ZC3H13: variants seen among roughly 807,000 people sequenced by gnomAD.
The protein encoded by ZC3H13 is zinc finger CCCH-type containing 13.
In ZC3H13, 64 loss-of-function variants were observed where a neutral mutation model predicts 204.1. That is an observed-to-expected ratio of 0.31 (90% CI 0.26 to 0.39). The LOEUF (loss-of-function observed/expected upper bound fraction) is 0.39, where lower values mean the gene tolerates loss of function less well. Ranked by LOEUF, ZC3H13 falls within the 10% of genes least tolerant of loss-of-function variation. The probability of loss-of-function intolerance (pLI) is 1.00; values close to 1 mark genes in which losing one functional copy is unlikely to be tolerated. For synonymous variants in ZC3H13, 667 were observed against 693.7 expected (o/e 0.96, Z 0.60); for missense variants, 1,833 against 2,082.7 (o/e 0.88, Z 2.33).
rs770053364 is a variant in ZC3H13, at chr13:46,030,884, T to C, written c.340-10327A>G. 2.2e-4 allele frequency among the ~76,000 whole-genome samples: 33 copies of C among 152,176 alleles called. 1 individual carries two copies. The highest frequency in any genetic ancestry group is 2.6e-4 in the Non-Finnish European group (18 of 68,006). Reference sequence around the variant, plus strand: ...AAGATGTCAGTTCTTCCCAAATTAATAGATTAAATGTAATCCCCACCAAAA... The same window carrying C: ...AAGATGTCAGTTCTTCCCAAATTAACAGATTAAATGTAATCCCCACCAAAA... On this transcript the variant is annotated intron_variant, in intron 4 of 18. Coordinates refer to ENST00000679008, the MANE Select transcript of ZC3H13 (RefSeq NM_001330564.2).
chr13:46,002,036 G>C (rs541042182), intron 8 of ZC3H13, among the ~76,000 whole-genome samples: 61 of 149,588 alleles, frequency 4.1e-4, no homozygotes, highest in African/African-American at 1.4e-3. Flanking sequence ...AATATATAAC[G>C]AACTCTTAGA....
intron 4 of ZC3H13, among the ~76,000 whole-genome samples, chr13:46,039,516 A>G (rs1257606119): frequency 4.6e-5 from 7 of 152,234 alleles, no homozygotes; most frequent in Admixed American, 3.9e-4. Context: ...GACAAGAAGA[A>G]GAGTTTAACA....
intron 4 of ZC3H13, among the ~76,000 whole-genome samples, chr13:46,029,679 C>T (rs1157338410): frequency 3.3e-5 from 5 of 151,830 alleles, no homozygotes; most frequent in Admixed American, 2.6e-4. Flanking sequence ...CCGCCCGCCT[C>T]GGCCTCCCAA....
chr13:46,009,568 G>C (rs1001331453), intron 7 of ZC3H13, among the ~76,000 whole-genome samples: 5 of 152,026 alleles, frequency 3.3e-5, no homozygotes, highest in African/African-American at 1.2e-4. Context: ...GACAGGGCTT[G>C]TTAACTGATT....
intron 5 of ZC3H13, among the ~76,000 whole-genome samples, chr13:46,016,491 C>T (rs761188072): frequency 9.9e-5 from 15 of 152,116 alleles, no homozygotes; most frequent in Non-Finnish European, 1.5e-4. Context: ...AGAGTACATG[C>T]TGTCAATTCC....
At position 45,990,218 on chromosome 13, in the gene ZC3H13, C is replaced by T. The variant is rs555862214; in HGVS notation, c.945-1121G>A. On this transcript the variant is annotated intron_variant, in intron 8 of 18. Transcript: ENST00000679008. ...AGATGCCAGTAGCATCCCTCCCATT[C>T]CAAGTTATGACAATAAAAAATTACT... Among the ~76,000 whole-genome samples the T allele has an allele frequency of 1.3e-4, 20 of 152,246 alleles. No individual in the cohort carries two copies. In the South Asian group the frequency reaches 4.1e-3, roughly 32 times the overall value.
chr13:46,050,083 T>C (rs879908337), intron 1 of ZC3H13, among the ~76,000 whole-genome samples: 1 of 152,068 alleles, frequency 6.6e-6, no homozygotes, highest in Non-Finnish European at 1.5e-5. Flanking sequence ...GCAGAGCAAA[T>C]GAATATCTGA....
chr13:46,012,910 C>T (rs2041661729), intron 5 of ZC3H13, among the ~76,000 whole-genome samples: 1 of 152,088 alleles, frequency 6.6e-6, no homozygotes, highest in Admixed American at 6.5e-5. Flanking sequence ...TAACCAAATA[C>T]CCAGGTAAAA....
At chr13:46,027,796 A>G (rs575656159) in intron 4 of ZC3H13, among the ~76,000 whole-genome samples, 1 of 152,342 alleles carries the variant, frequency 6.6e-6, no homozygotes, top group East Asian at 1.9e-4. Context: ...CACCAAAAAA[A>G]GTAGAAAGAA....
intron 7 of ZC3H13, among the ~76,000 whole-genome samples, chr13:46,004,496 C>T (rs554902686): frequency 1.3e-5 from 2 of 152,030 alleles, no homozygotes; most frequent in Non-Finnish European, 2.9e-5. Flanking sequence ...GCCAAGATTG[C>T]GCCACTGCAC....
chr13:45,969,101 T>C lies in ZC3H13; in HGVS notation c.3443A>G (p.Asn1148Ser), dbSNP rs752781697. Reference sequence around the variant, plus strand: ...TGAGTCTTCATTGGCAAAAGTATTATTGGTGGTATTGGTGGGGGTGGCAGA... The same window carrying C: ...TGAGTCTTCATTGGCAAAAGTATTACTGGTGGTATTGGTGGGGGTGGCAGA... ...STSATPTNTT[N>S]NTFANEDSHR... The change falls in exon 14 of 19, where the codon AAT (asparagine) becomes AGT (serine). Residue 1148 changes from asparagine (N) to serine (S), a missense_variant. Physicochemically the swap from Asn to Ser is conservative, Grantham distance 46 (BLOSUM62 1). Around this residue, in one of 5 missense-constraint regions of ZC3H13, gnomAD observed 1,574 missense variants for 1,757.2 expected, o/e 0.90. Coordinates refer to ENST00000679008, the MANE Select transcript of ZC3H13 (RefSeq NM_001330564.2). 1.1e-4 allele frequency: 170 copies of C among 1,614,166 alleles called. No individual in the cohort carries two copies. Among genetic ancestry groups the C allele is most frequent in the Non-Finnish European group, 1.4e-4 (161 of 1,180,028 alleles).
At chr13:46,039,464 C>T (rs181788063) in intron 4 of ZC3H13, among the ~76,000 whole-genome samples, 12 of 152,342 alleles carry the variant, frequency 7.9e-5, no homozygotes, top group African/African-American at 2.6e-4. Context: ...ATATTCTTCA[C>T]AGCAACATGG....
At position 46,019,056 on chromosome 13, in the gene ZC3H13, A is replaced by G. The variant is rs201207190; in HGVS notation, c.448+1393T>C. On this transcript the variant is annotated intron_variant, in intron 5 of 18. Coordinates refer to ENST00000679008, the MANE Select transcript of ZC3H13 (RefSeq NM_001330564.2). Reference sequence around the variant, plus strand: ...TAGGTTGGATTATGAAATCCTGAGTAACCATAAACAAGTTTCCTATTTGTT... The same window carrying G: ...TAGGTTGGATTATGAAATCCTGAGTGACCATAAACAAGTTTCCTATTTGTT... 5.9e-5 allele frequency among the ~76,000 whole-genome samples: 9 copies of G among 152,274 alleles called. No individual in the cohort carries two copies. The East Asian group carries it at 1.7e-3, about 29-fold the overall frequency.
At chr13:46,010,211 T>C (rs910476863) in intron 7 of ZC3H13, 137 bp downstream of exon 7, 15 of 891,892 alleles carry the variant, frequency 1.7e-5, no homozygotes, top group Non-Finnish European at 2.1e-5. Context: ...TTGAAACATT[T>C]CAAATTTCTT....
chr13:45,968,704 C>T (rs1952300894), intron 14 of ZC3H13, 44 bp downstream of exon 14: 5 of 1,523,838 alleles, frequency 3.3e-6, no homozygotes, highest in Admixed American at 2.3e-5. Context: ...ATAAAATATA[C>T]TAACCTAGGA....
intron 4 of ZC3H13, among the ~76,000 whole-genome samples, chr13:46,035,688 A>G (rs994102569): frequency 6.6e-6 from 1 of 152,180 alleles, no homozygotes; most frequent in African/African-American, 2.4e-5. Flanking sequence ...ACTTTCTACT[A>G]TTTCTATTTT....
chr13:46,048,320 G>A (rs1002993775), intron 1 of ZC3H13, among the ~76,000 whole-genome samples: 1 of 152,166 alleles, frequency 6.6e-6, no homozygotes, highest in Non-Finnish European at 1.5e-5. Flanking sequence ...GCTCACGCCT[G>A]TAATCCCAGC....
chr13:45,980,362 G>A (rs548584606), intron 10 of ZC3H13, among the ~76,000 whole-genome samples: 32 of 152,198 alleles, frequency 2.1e-4, no homozygotes, highest in African/African-American at 5.5e-4. Context: ...AAATGGGTAC[G>A]TATTATTGCT....
At chr13:46,015,756 C>T (rs1020012925) in intron 5 of ZC3H13, among the ~76,000 whole-genome samples, 12 of 152,004 alleles carry the variant, frequency 7.9e-5, no homozygotes, top group African/African-American at 2.7e-4. Context: ...TTTGTACTTG[C>T]TCCTGAAGGC....
Sources: gnomAD v4.1 joint callset for allele counts (sites outside exome capture counted in the v4.1 genomes callset) on GRCh38, gnomAD v4.1.1 for gene constraint, gnomAD v4.1.1 regional missense constraint, MANE v1.5 for transcripts, NCBI Gene and HGNC (gene_info 2026-07-23, HGNC 2026-07-21) for gene names.